MSI2: variants seen among roughly 807,000 people sequenced by gnomAD.
MSI2 encodes the protein RNA-binding protein Musashi homolog 2.
Under a neutral mutation model 45.6 loss-of-function variants are expected in MSI2, and 17 were observed. The ratio of observed to expected loss-of-function variants is 0.37; its 90% CI spans 0.26 to 0.56. The LOEUF is 0.56. Ranked by LOEUF, MSI2 falls within the 20% of genes least tolerant of loss-of-function variation. The pLI is 0.77. For missense variants in MSI2, 293 were observed against 444.2 expected, an observed-to-expected ratio of 0.66 and a Z score of 3.06; for synonymous variants, 156 against 158.2, an observed-to-expected ratio of 0.99 and a Z score of 0.11.
intron 5 of MSI2, among the ~76,000 whole-genome samples, chr17:57,339,926 TC>T (rs1416270037): frequency 2.0e-5 from 3 of 152,040 alleles, no homozygotes; most frequent in Non-Finnish European, 4.4e-5. Flanking sequence ...AGTGTGGCGG[TC>T]CCTCAGAAGC....
chr17:57,389,229 G>A (rs190499654), intron 5 of MSI2, among the ~76,000 whole-genome samples: 8 of 151,932 alleles, frequency 5.3e-5, no homozygotes, highest in African/African-American at 1.7e-4. Flanking sequence ...CGCCTGCCTC[G>A]GCCTCCCAAA....
rs372048050 is a variant in MSI2 at position 57,591,014 on chromosome 17, G to T, written c.455-5854G>T. On this transcript the variant is annotated intron_variant, in intron 7 of 13. Coordinates refer to ENST00000284073, the MANE Select transcript of MSI2 (RefSeq NM_138962.4). ...ATGGAGTGCCAGCCCTCACAGACTC[G>T]CCATAGACTAGAATCCTCACTCTGT... 7.9e-5 allele frequency among the ~76,000 whole-genome samples: 12 copies of T among 152,266 alleles called. No homozygotes were observed. In the South Asian group the frequency reaches 2.5e-3, roughly 32 times the overall value.
At chr17:57,559,268 A>G (rs2087516170) in intron 7 of MSI2, among the ~76,000 whole-genome samples, 1 of 152,198 alleles carries the variant, frequency 6.6e-6, no homozygotes, top group African/African-American at 2.4e-5. Context: ...GCATTTGGAA[A>G]GTTAATGCTA....
chr17:57,366,392 TGACTTGGA>T (rs769784904), intron 5 of MSI2, among the ~76,000 whole-genome samples: 3 of 152,236 alleles, frequency 2.0e-5, no homozygotes, highest in Non-Finnish European at 4.4e-5. Flanking sequence ...CACGTTTGAA[TGACTTGGA>T]GACTTGGAGA....
chr17:57,471,906 G>A (rs1470424119), intron 6 of MSI2, among the ~76,000 whole-genome samples: 1 of 152,160 alleles, frequency 6.6e-6, no homozygotes, highest in African/African-American at 2.4e-5. Context: ...GAAGAGAGGG[G>A]AAATGTCTTC....
At chr17:57,460,844 CAG>C in intron 6 of MSI2, among the ~76,000 whole-genome samples, 1 of 152,124 alleles carries the variant, frequency 6.6e-6, no homozygotes, top group South Asian at 2.1e-4. Flanking sequence ...ACTGAAATGG[CAG>C]AGTGTGTTCT....
chr17:57,455,647 G>A (rs944131972), intron 6 of MSI2, among the ~76,000 whole-genome samples: 29 of 152,260 alleles, frequency 1.9e-4, no homozygotes, highest in African/African-American at 6.7e-4. Flanking sequence ...TGAGAGATGT[G>A]GGGAGCAGGG....
chr17:57,313,403 C>G (rs997672907), intron 5 of MSI2, among the ~76,000 whole-genome samples: 4 of 152,184 alleles, frequency 2.6e-5, no homozygotes, highest in African/African-American at 9.7e-5. Context: ...AATTACTTTC[C>G]CTTCCTGGTT....
intron 6 of MSI2, among the ~76,000 whole-genome samples, chr17:57,422,465 A>G (rs1177471485): frequency 6.6e-6 from 1 of 152,232 alleles, no homozygotes; most frequent in Non-Finnish European, 1.5e-5. Context: ...GCCTCAAAAA[A>G]AAAGATAAAT....
At chr17:57,648,132 CGTGTGT>C (rs765039915) in intron 10 of MSI2, among the ~76,000 whole-genome samples, 4,649 of 116,198 alleles carry the variant, frequency 0.04, 123 homozygotes, top group African/African-American at 0.09. Flanking sequence ...CTGGCTAATT[CGTGTGT>C]GTGTGTGTGT....
intron 7 of MSI2, among the ~76,000 whole-genome samples, chr17:57,579,807 C>T (rs2088153869): frequency 6.6e-6 from 1 of 152,180 alleles, no homozygotes; most frequent in African/African-American, 2.4e-5. Context: ...TCCTTAAATC[C>T]TCTATAACCC....
chr17:57,541,151 T>TAGAGAGAGAGAGAGAG, intron 7 of MSI2, among the ~76,000 whole-genome samples: 1 of 148,910 alleles, frequency 6.7e-6, no homozygotes, highest in East Asian at 2.0e-4. Flanking sequence ...TACATTTTGG[T>TAGAGAGAGAGAGAGAG]AGAGAGAGAG....
chr17:57,275,371 GA>G (rs1908748075), intron 5 of MSI2, among the ~76,000 whole-genome samples: 1 of 152,220 alleles, frequency 6.6e-6, no homozygotes, highest in Admixed American at 6.5e-5. Flanking sequence ...GAGCGAGGGA[GA>G]ACCTTGGGAT....
intron 7 of MSI2, among the ~76,000 whole-genome samples, chr17:57,536,599 A>T (rs1413576243): frequency 2.0e-5 from 3 of 152,234 alleles, no homozygotes; most frequent in African/African-American, 7.2e-5. Context: ...GATGGTGTTA[A>T]GTATCCATCA....
chr17:57,315,512 A>G (rs761565132), intron 5 of MSI2, among the ~76,000 whole-genome samples: 5 of 152,100 alleles, frequency 3.3e-5, no homozygotes, highest in Non-Finnish European at 7.4e-5. Flanking sequence ...TGGAAATGGT[A>G]CATTCTTATT....
At chr17:57,491,543 C>T (rs1199355427) in intron 6 of MSI2, among the ~76,000 whole-genome samples, 1 of 152,192 alleles carries the variant, frequency 6.6e-6, no homozygotes, top group Non-Finnish European at 1.5e-5. Flanking sequence ...TCTCCTGATG[C>T]AGAGCTCCTG....
intron 4 of MSI2, 172 bp from the exon 5 acceptor site, chr17:57,261,979 G>C: frequency 1.6e-6 from 1 of 635,740 alleles, no homozygotes; most frequent in Non-Finnish European, 2.7e-6. Context: ...TGATCTGTTG[G>C]AGGGATGGTT....
rs565241161 is a variant in MSI2, at chr17:57,682,841, C to A, written c.*3324C>A. On this transcript the variant is annotated 3_prime_UTR_variant, in exon 14 of 14. Coordinates refer to ENST00000284073, the MANE Select transcript of MSI2 (RefSeq NM_138962.4). Reference sequence around the variant, plus strand: ...GATCCATCTGCCTGAGACCCCCGAACTCCTCTCCTCCCAAGCAGAGGCGAG... The same window carrying A: ...GATCCATCTGCCTGAGACCCCCGAAATCCTCTCCTCCCAAGCAGAGGCGAG... 3 of 224,286 alleles carry A rather than the reference C, an allele frequency of 1.3e-5. No individual in the cohort carries two copies. The highest frequency in any genetic ancestry group is 1.8e-5 in the Non-Finnish European group (2 of 112,532). 13.9% of individuals were successfully genotyped at this position (224,286 alleles called of 1,614,324 possible).
chr17:57,455,987 T>TA (rs1430138292), intron 6 of MSI2, among the ~76,000 whole-genome samples: 1 of 152,200 alleles, frequency 6.6e-6, no homozygotes, highest in Non-Finnish European at 1.5e-5. Flanking sequence ...AGCTTTGTGT[T>TA]ACGGGCCTTG....
Sources: allele counts gnomAD v4.1 joint callset (sites outside exome capture counted in the v4.1 genomes callset), GRCh38; gene constraint gnomAD v4.1.1; transcripts MANE v1.5; gene names NCBI Gene and HGNC (gene_info 2026-07-23, HGNC 2026-07-21).